ECE1: variants seen among roughly 807,000 people sequenced by gnomAD.
ECE1 encodes the protein endothelin-converting enzyme 1.
In ECE1, 35 loss-of-function variants were observed where a neutral mutation model predicts 98.6. The observed-to-expected ratio is 0.35, with a 90% CI of 0.27 to 0.47. The LOEUF is 0.47. Ranked by LOEUF, ECE1 falls within the 20% of genes least tolerant of loss-of-function variation. The pLI is 1.00. For missense variants in ECE1, 814 were observed against 1,025.3 expected (o/e 0.79, Z 2.81); for synonymous variants, 394 against 407.1 (o/e 0.97, Z 0.39).
At chr1:21,268,142 T>C (rs1394733919) in intron 4 of ECE1, among the ~76,000 whole-genome samples, 1 of 152,036 alleles carries the variant, frequency 6.6e-6, no homozygotes, top group East Asian at 1.9e-4. Flanking sequence ...CAGAAGACAA[T>C]GGAGGCAGCA....
chr1:21,339,251 G>A (rs946223803), intron 1 of ECE1, among the ~76,000 whole-genome samples: 2 of 152,214 alleles, frequency 1.3e-5, no homozygotes, highest in African/African-American at 4.8e-5. Context: ...TAACTGTCAA[G>A]TGCGGTGCAA....
chr1:21,302,664 C>T (rs946815761), intron 1 of ECE1, among the ~76,000 whole-genome samples: 4 of 152,148 alleles, frequency 2.6e-5, no homozygotes, highest in South Asian at 4.1e-4. Flanking sequence ...ATGCACAGAA[C>T]GCCAGAGTGG....
intron 4 of ECE1, among the ~76,000 whole-genome samples, chr1:21,265,175 T>C (rs564213760): frequency 3.0e-4 from 46 of 152,246 alleles, no homozygotes; most frequent in South Asian, 2.3e-3. Context: ...GTCTGATGCA[T>C]AATTGGTGAG....
chr1:21,245,000 C>G lies in ECE1; in HGVS notation c.1267G>C (p.Gly423Arg). ...AGTAGCAGGCTCACCTTCTTGGTCC[C>G]GTACATGACTTCCATGAACTTCTCA... Reference protein sequence around the residue: ...ADEKFMEVMYGTKKTCLPRWK... With the variant: ...ADEKFMEVMYRTKKTCLPRWK... The change falls in exon 10 of 19, where the codon GGG becomes CGG. Residue 423 changes from glycine to arginine, a missense_variant. By Grantham distance (125) the Gly-to-Arg change is moderately radical (BLOSUM62 -2). Around this residue, in one of 3 missense-constraint regions of ECE1, gnomAD observed 452 missense variants for 567.3 expected, o/e 0.80. Transcript: ENST00000374893. 6.2e-7 allele frequency: 1 copy of G among 1,614,118 alleles called. No homozygotes were observed. The highest frequency in any genetic ancestry group is 8.5e-7 in the Non-Finnish European group (1 of 1,179,988).
chr1:21,268,587 C>T (rs951171419), intron 4 of ECE1, among the ~76,000 whole-genome samples: 4 of 152,242 alleles, frequency 2.6e-5, no homozygotes, highest in Non-Finnish European at 4.4e-5. Context: ...ACTATCTTGC[C>T]GGATCGGCTG....
chr1:21,235,960 G>C lies in ECE1; in HGVS notation c.1489-33C>G. 2 of 1,604,888 alleles carry C rather than the reference G, an allele frequency of 1.2e-6. No individual in the cohort carries two copies. Among genetic ancestry groups the C allele is most frequent in the Non-Finnish European group, 1.7e-6 (2 of 1,171,634 alleles). On this transcript the variant is annotated intron_variant, in intron 12 of 18. Coordinates refer to ENST00000374893, the MANE Select transcript of ECE1 (RefSeq NM_001397.3). This position sits in a 1 kb window ranked among gnomAD's most constrained non-coding sequence, Gnocchi z 4.2. ...GGACAGACAGAGGAAGTGAGTGCCCGGCAACATCGACCAGGCCAGCCTGAG... is the reference window on the plus strand; with the variant it reads ...GGACAGACAGAGGAAGTGAGTGCCCCGCAACATCGACCAGGCCAGCCTGAG...
chr1:21,314,665 A>G (rs1358508157), intron 1 of ECE1, among the ~76,000 whole-genome samples: 1 of 152,182 alleles, frequency 6.6e-6, no homozygotes, highest in African/African-American at 2.4e-5. Context: ...CCCTCCAGGG[A>G]ACTTCCTGAC....
At chr1:21,231,097 G>C (rs911886438) in intron 14 of ECE1, among the ~76,000 whole-genome samples, 1 of 152,088 alleles carries the variant, frequency 6.6e-6, no homozygotes, top group African/African-American at 2.4e-5. Flanking sequence ...CAAAGTGCTG[G>C]GATTACAGAC....
At chr1:21,279,560 GC>G in intron 2 of ECE1, 1 of 1,444,168 alleles carries the variant, frequency 6.9e-7, no homozygotes. Context: ...AAGCAGCTCG[GC>G]CCCGACAGGC....
At chr1:21,256,268 C>A in intron 7 of ECE1, 130 bp from the exon 8 acceptor site, 1 of 1,072,582 alleles carries the variant, frequency 9.3e-7, no homozygotes, top group Non-Finnish European at 1.3e-6. Context: ...CCCAAGACAC[C>A]CGTGGGGCCA....
At chr1:21,251,106 C>G (rs532574390) in intron 8 of ECE1, among the ~76,000 whole-genome samples, 16 of 152,290 alleles carry the variant, frequency 1.1e-4, no homozygotes, top group African/African-American at 3.6e-4. Context: ...CCCAGGTTCA[C>G]TCATCTCTTT....
rs765900712 is a variant in ECE1 at position 21,262,728 on chromosome 1, C to A, written c.494-2336G>T. On this transcript the variant is annotated intron_variant, in intron 4 of 18. Transcript: ENST00000374893. Reference sequence around the variant, plus strand: ...CTGTCTGCAAGCCCCAAATTATCACCGGGAGGGAGAAGGAATGCCTCCTTC... The same window carrying A: ...CTGTCTGCAAGCCCCAAATTATCACAGGGAGGGAGAAGGAATGCCTCCTTC... Among the ~76,000 whole-genome samples, 4 of 152,338 alleles carry A rather than the reference C, an allele frequency of 2.6e-5. No homozygotes were observed. The South Asian group carries it at 6.2e-4, about 24-fold the overall frequency.
At chr1:21,227,025 A>C (rs985890560) in intron 16 of ECE1, 134 bp downstream of exon 16, 8 of 845,528 alleles carry the variant, frequency 9.5e-6, no homozygotes, top group Admixed American at 4.0e-5. Flanking sequence ...TGCACAGCCT[A>C]ATTTTTTTTT....
intron 1 of ECE1, among the ~76,000 whole-genome samples, chr1:21,301,306 A>C (rs913362881): frequency 2.6e-5 from 4 of 152,000 alleles, no homozygotes; most frequent in African/African-American, 4.8e-5. Flanking sequence ...CATCCTGGCT[A>C]ACACGGTGAA....
chr1:21,260,170 G>A lies in ECE1; in HGVS notation c.615+101C>T, dbSNP rs749223419. On this transcript the variant is annotated intron_variant, in intron 5 of 18. Coordinates refer to ENST00000374893, the MANE Select transcript of ECE1 (RefSeq NM_001397.3). The surrounding 1 kb of genome is among the most constrained non-coding windows in gnomAD (Gnocchi z 4.3). Reference sequence around the variant, plus strand: ...TTTCTCTTGGTGCTACCGGCTGGACGTATGAGGTGGGCCAGTGGTACCAGA... The same window carrying A: ...TTTCTCTTGGTGCTACCGGCTGGACATATGAGGTGGGCCAGTGGTACCAGA... 6.5e-6 allele frequency: 10 copies of A among 1,532,078 alleles called. No individual in the cohort carries two copies. Among genetic ancestry groups the A allele is most frequent in the Admixed American group, 1.7e-5 (1 of 59,824 alleles). The allele number at this position is 1,532,078 out of a possible 1,614,324, so 94.9% of individuals were successfully genotyped here. A position where few individuals can be genotyped will look rare whatever the true frequency, so the allele number is the denominator to read the frequency against.
chr1:21,333,209 G>A (rs75179834), intron 1 of ECE1, among the ~76,000 whole-genome samples: 3,238 of 152,196 alleles, frequency 0.021, 51 homozygotes, highest in Middle Eastern at 0.099. Context: ...GCGTGGTAGG[G>A]ATCTGATGCA....
chr1:21,270,093 A>G (rs1021780760), intron 4 of ECE1, among the ~76,000 whole-genome samples: 1 of 152,242 alleles, frequency 6.6e-6, no homozygotes, highest in Non-Finnish European at 1.5e-5. Flanking sequence ...CTCACTGGGA[A>G]GCTAGAGGGC....
chr1:21,228,966 C>T (rs1276408080), intron 14 of ECE1, among the ~76,000 whole-genome samples: 7 of 151,582 alleles, frequency 4.6e-5, no homozygotes, highest in East Asian at 2.0e-4. Context: ...CTCAGCCTCC[C>T]GTGTAGCTGG....
intron 1 of ECE1, among the ~76,000 whole-genome samples, chr1:21,318,888 G>A (rs1638898707): frequency 1.3e-5 from 2 of 152,226 alleles, no homozygotes; most frequent in South Asian, 2.1e-4. Flanking sequence ...TCAGAAGAAA[G>A]TCAGCATGGG....
Sources: gnomAD v4.1 joint callset for allele counts (sites outside exome capture counted in the v4.1 genomes callset) on GRCh38, gnomAD v4.1.1 for gene constraint, gnomAD v4.1.1 regional missense constraint, Gnocchi (gnomAD v3.1) non-coding constraint, MANE v1.5 for transcripts, NCBI Gene and HGNC (gene_info 2026-07-23, HGNC 2026-07-21) for gene names.